TMEM232: variants seen among roughly 807,000 people sequenced by gnomAD.
TMEM232 encodes transmembrane protein 232.
A neutral mutation model predicts 78.8 loss-of-function variants in TMEM232; 80 were observed. The ratio of observed to expected loss-of-function variants is 1.01; its 90% confidence interval spans 0.85 to 1.22. The LOEUF (loss-of-function observed/expected upper bound fraction) is 1.22. Among genes scored for constraint, TMEM232 ranks in the 50% most tolerant of loss-of-function variants. The probability of loss-of-function intolerance (pLI) is 0.00; values close to 1 mark genes in which losing one functional copy is unlikely to be tolerated. For missense variants in TMEM232, 881 were observed against 742.2 expected, an observed-to-expected ratio of 1.19 and a Z score of -2.17; for synonymous variants, 297 against 254.3, an observed-to-expected ratio of 1.17 and a Z score of -1.60.
intron 11 of TMEM232, among the ~76,000 whole-genome samples, chr5:110,536,340 TG>T (rs1772355527): frequency 6.6e-6 from 1 of 152,214 alleles, no homozygotes; most frequent in African/African-American, 2.4e-5. Flanking sequence ...CCTTGGTATT[TG>T]AGGGCAACTG....
intron 10 of TMEM232, among the ~76,000 whole-genome samples, chr5:110,595,133 G>T (rs1468599622): frequency 6.6e-6 from 1 of 152,134 alleles, no homozygotes; most frequent in Non-Finnish European, 1.5e-5. Context: ...AGGCATACAG[G>T]GTCTGGAGTG....
intron 11 of TMEM232, among the ~76,000 whole-genome samples, chr5:110,536,935 C>T (rs1772435085): frequency 6.6e-6 from 1 of 152,124 alleles, no homozygotes. Context: ...CATAATGGGT[C>T]ATCAGTGGTG....
chr5:110,551,646 T>C (rs1774478161), intron 11 of TMEM232, among the ~76,000 whole-genome samples: 1 of 152,180 alleles, frequency 6.6e-6, no homozygotes, highest in African/African-American at 2.4e-5. Flanking sequence ...ACCCACAGTA[T>C]TCACATACCC....
chr5:110,700,767 T>C (rs974196576), intron 1 of TMEM232, among the ~76,000 whole-genome samples: 4 of 143,146 alleles, frequency 2.8e-5, no homozygotes, highest in African/African-American at 1.1e-4. Context: ...GGTAGGTAGG[T>C]AGGTAGATAG....
At chr5:110,397,304 T>C (rs549135901) in intron 3 of TMEM232, among the ~76,000 whole-genome samples, 3 of 152,300 alleles carry the variant, frequency 2.0e-5, no homozygotes, top group East Asian at 3.9e-4. Flanking sequence ...ATACTTCTTA[T>C]ACCTATGGTA....
chr5:110,687,493 G>A (rs1241282552), intron 1 of TMEM232, among the ~76,000 whole-genome samples: 1 of 151,864 alleles, frequency 6.6e-6, no homozygotes. Flanking sequence ...TCTTCTACCA[G>A]CCTTTCAGAC....
intron 12 of TMEM232, among the ~76,000 whole-genome samples, chr5:110,489,054 G>A (rs950079716): frequency 6.6e-6 from 1 of 151,746 alleles, no homozygotes; most frequent in Non-Finnish European, 1.5e-5. Flanking sequence ...GACACCAAAT[G>A]AGTAACAAAA....
chr5:110,448,416 A>T (rs948022115), intron 12 of TMEM232, among the ~76,000 whole-genome samples: 1 of 152,070 alleles, frequency 6.6e-6, no homozygotes, highest in East Asian at 1.9e-4. Flanking sequence ...TAAGAGCAAC[A>T]ATCTGTTATG....
At position 110,488,755 on chromosome 5, in the gene TMEM232, T is replaced by G. The variant is rs559608107; in HGVS notation, c.1703+39833A>C. Among the ~76,000 whole-genome samples the G allele has an allele frequency of 3.3e-5, 5 of 151,724 alleles. No individual in the cohort carries two copies. The South Asian group carries it at 1.0e-3, about 32-fold the overall frequency. On this transcript the variant is annotated intron_variant, in intron 12 of 13. Coordinates refer to ENST00000455884, the MANE Select transcript of TMEM232 (RefSeq NM_001039763.4). ...AGAAAATAGTAAACAATAGAGAAAA[T>G]CAATAGAACGAAAAGTTGGTTCTTT...
intron 12 of TMEM232, among the ~76,000 whole-genome samples, chr5:110,459,571 A>G (rs1034667656): frequency 3.9e-5 from 6 of 152,146 alleles, no homozygotes; most frequent in African/African-American, 1.4e-4. Flanking sequence ...TACAAGGTAG[A>G]AAAATAATTT....
intron 12 of TMEM232, among the ~76,000 whole-genome samples, chr5:110,437,040 T>C (rs1364564333): frequency 1.3e-5 from 2 of 152,026 alleles, no homozygotes; most frequent in Non-Finnish European, 2.9e-5. Context: ...CTGCTTTGGG[T>C]AGTATGGATG....
At chr5:110,471,617 G>GAA (rs563884697) in intron 12 of TMEM232, among the ~76,000 whole-genome samples, 27 of 140,766 alleles carry the variant, frequency 1.9e-4, no homozygotes, top group South Asian at 4.4e-4. Context: ...AGTGCTGAAA[G>GAA]AAAAAAAAAA....
chr5:110,677,279 A>G (rs1320097711), intron 1 of TMEM232, among the ~76,000 whole-genome samples: 1 of 151,818 alleles, frequency 6.6e-6, no homozygotes, highest in Non-Finnish European at 1.5e-5. Flanking sequence ...TCCCTTAAAT[A>G]TAATGGATAT....
At chr5:110,435,802 T>G (rs547055812) in intron 12 of TMEM232, among the ~76,000 whole-genome samples, 2 of 151,990 alleles carry the variant, frequency 1.3e-5, no homozygotes, top group Non-Finnish European at 2.9e-5. Context: ...TTCTTTCTTA[T>G]GGCTGAATAG....
At chr5:110,569,847 C>A (rs10060163) in intron 10 of TMEM232, among the ~76,000 whole-genome samples, 14,352 of 151,876 alleles carry the variant, frequency 0.094, 816 homozygotes, top group South Asian at 0.2. Flanking sequence ...TAAACTTGAA[C>A]TTGCTTAGAA....
At chr5:110,478,141 C>T (rs777166496) in intron 12 of TMEM232, among the ~76,000 whole-genome samples, 3 of 151,890 alleles carry the variant, frequency 2.0e-5, no homozygotes, top group African/African-American at 4.8e-5. Context: ...CTGTATCCCA[C>T]GCTATGAATT....
At chr5:110,565,071 TAA>T (rs1275585611) in intron 11 of TMEM232, among the ~76,000 whole-genome samples, 1 of 151,986 alleles carries the variant, frequency 6.6e-6, no homozygotes, top group Non-Finnish European at 1.5e-5. Context: ...AATATTTTGC[TAA>T]GTTATTTTCA....
chr5:110,621,251 T>C lies in TMEM232; in HGVS notation c.769-2689A>G, dbSNP rs957929465. 5.9e-5 allele frequency among the ~76,000 whole-genome samples: 9 copies of C among 152,166 alleles called. 1 individual carries two copies. Among genetic ancestry groups the C allele is most frequent in the Admixed American group, 4.6e-4 (7 of 15,268 alleles). On this transcript the variant is annotated intron_variant, in intron 7 of 13. Coordinates refer to ENST00000455884, the MANE Select transcript of TMEM232 (RefSeq NM_001039763.4). ...AATGAATTAATGTAATGATGATGAC[T>C]ATGTGATTTAATACAATCATCACAT...
At position 110,693,407 on chromosome 5, in the gene TMEM232, C is replaced by G. The variant is rs571374601; in HGVS notation, c.-12-26043G>C. Among the ~76,000 whole-genome samples, 15 of 152,302 alleles carry G rather than the reference C, an allele frequency of 9.8e-5. No individual in the cohort carries two copies. The East Asian group carries it at 2.1e-3, about 22-fold the overall frequency. ...TAAAAATCAGAGTGCCTCTCCTCCT[C>G]CAAAGGAATGCAGCTCCTCACCAGC... On this transcript the variant is annotated intron_variant, in intron 1 of 13. Coordinates refer to ENST00000455884, the MANE Select transcript of TMEM232 (RefSeq NM_001039763.4).
Sources: allele counts gnomAD v4.1 joint callset (sites outside exome capture counted in the v4.1 genomes callset), GRCh38; gene constraint gnomAD v4.1.1; transcripts MANE v1.5; gene names NCBI Gene and HGNC (gene_info 2026-07-23, HGNC 2026-07-21).